The following ABCA12 variants were observed in gnomAD, a reference collection of about 807,000 sequenced individuals.
ABCA12 encodes the protein glucosylceramide transporter ABCA12.
In ABCA12, 156 loss-of-function variants were observed where a neutral mutation model predicts 293.5. The ratio of observed to expected loss-of-function variants is 0.53; its 90% CI spans 0.47 to 0.61. ABCA12 has a LOEUF of 0.61. ABCA12 is among the 20% of genes least tolerant of loss of function. The pLI is 0.00. For missense variants in ABCA12, 2,797 were observed against 3,090.2 expected, an observed-to-expected ratio of 0.91 and a Z score of 2.25; for synonymous variants, 1,063 against 1,108.0, an observed-to-expected ratio of 0.96 and a Z score of 0.81.
chr2:215,111,780 T>A, intron 1 of ABCA12, 90 bp from the exon 2 acceptor site: 4 of 899,660 alleles, frequency 4.4e-6, no homozygotes, highest in Non-Finnish European at 7.3e-6. Context: ...CATACTATAA[T>A]ATTTCAACAC....
In ABCA12 at chr2:214,986,665, G is replaced by GCAA. The variant is rs1177952328; in HGVS notation, c.4037_4039dup (p.Val1346dup). 1 of 1,614,108 alleles carries GCAA rather than the reference G, an allele frequency of 6.2e-7. No individual in the cohort carries two copies. The highest frequency in any genetic ancestry group is 2.2e-5 in the East Asian group (1 of 44,878). On this transcript the variant is annotated inframe_insertion, in exon 28 of 53. Coordinates refer to ENST00000272895, the MANE Select transcript of ABCA12 (RefSeq NM_173076.3). Reference sequence around the variant, plus strand: ...ATAGATCTTTGTGACCCCATGCAGGGCAACCCCGACTGTGAGATCTTTAGG... The same window carrying GCAA: ...ATAGATCTTTGTGACCCCATGCAGGGCAACAACCCCGACTGTGAGATCTTTAGG...
chr2:214,979,165 T>C, intron 31 of ABCA12, 125 bp from the exon 32 acceptor site: 1 of 860,158 alleles, frequency 1.2e-6, no homozygotes, highest in Non-Finnish European at 2.0e-6. Context: ...GATCATAACA[T>C]CACTGCTCTA....
rs28940271 is a variant in ABCA12 at position 214,980,608 on chromosome 2, C to T, written c.4615G>A (p.Glu1539Lys). ...TIILSTHHLD[E>K]AEVLSDRIAF... is the part of the protein sequence containing the mutation. ...ATGCGGTCACTCAGCACTTCAGCCTCGTCCAAGTGGTGCGTTGACAGAATG... is the reference window on the plus strand; with the variant it reads ...ATGCGGTCACTCAGCACTTCAGCCTTGTCCAAGTGGTGCGTTGACAGAATG... The change falls in exon 31 of 53, where the codon GAG becomes AAG. Residue 1539 changes from glutamate (E) to lysine (K), a missense_variant. Glu to Lys is a moderately conservative substitution (Grantham distance 56). Coordinates refer to ENST00000272895, the MANE Select transcript of ABCA12 (RefSeq NM_173076.3). The T allele has an allele frequency of 1.2e-6, 2 of 1,614,052 alleles. No individual in the cohort carries two copies. The highest frequency in any genetic ancestry group is 1.7e-6 in the Non-Finnish European group (2 of 1,179,988).
At chr2:214,949,290 G>A (rs1454282388) in intron 45 of ABCA12, 141 bp from the exon 46 acceptor site, 8 of 666,144 alleles carry the variant, frequency 1.2e-5, no homozygotes, top group Non-Finnish European at 2.1e-5. Flanking sequence ...ATAGTGTAAT[G>A]CTCTTGATAA....
intron 1 of ABCA12, among the ~76,000 whole-genome samples, chr2:215,118,560 G>A (rs1269507354): frequency 6.6e-6 from 1 of 152,058 alleles, no homozygotes; most frequent in South Asian, 2.1e-4. Context: ...GTTTTGGAGA[G>A]TTTTAAGGAA....
chr2:215,041,036 C>T (rs1204170113), intron 7 of ABCA12, among the ~76,000 whole-genome samples: 2 of 151,776 alleles, frequency 1.3e-5, no homozygotes, highest in Non-Finnish European at 2.9e-5. Flanking sequence ...ATATTAAATA[C>T]AAAAAATTTG....
chr2:214,967,055 C>T (rs1699278367), intron 38 of ABCA12, 102 bp from the exon 39 acceptor site: 1 of 917,148 alleles, frequency 1.1e-6, no homozygotes, highest in African/African-American at 1.7e-5. Context: ...ATAAGAGCAT[C>T]AATTTTCCAA....
rs369522596 is a variant in ABCA12, at chr2:215,138,095, C to A, written c.69+45G>T. The stretch of plus-strand genomic sequence containing the variant: ...AAGATCACATTTTAGGATTACCTGG[C>A]GTATTGCCCCATGACCCATACTCCC... On this transcript the variant is annotated intron_variant, in intron 1 of 52. Coordinates refer to ENST00000272895, the MANE Select transcript of ABCA12 (RefSeq NM_173076.3). 5.6e-5 allele frequency: 85 copies of A among 1,530,722 alleles called. 1 individual carries two copies. In the African/African-American group the frequency reaches 1.1e-3, roughly 19 times the overall value. The allele number at this position is 1,530,722 out of a possible 1,614,324, so 94.8% of individuals were successfully genotyped here.
chr2:215,016,579 T>C (rs1322361531), intron 14 of ABCA12, among the ~76,000 whole-genome samples: 15 of 5,012 alleles, frequency 3.0e-3, no homozygotes, highest in African/African-American at 6.6e-3. Context: ...CATGACTCTG[T>C]CTCAAAAAAA....
intron 4 of ABCA12, 138 bp from the exon 5 acceptor site, chr2:215,052,722 G>C (rs997992255): frequency 1.3e-6 from 1 of 760,268 alleles, no homozygotes. Context: ...CTCTTCCATG[G>C]AAGTTTTATA....
chr2:215,012,124 C>T lies in ABCA12; in HGVS notation c.1968G>A (p.Pro656=), dbSNP rs558313663. Residue 656 remains proline (P), a synonymous_variant, in exon 16 of 53, where the codon CCG becomes CCA. Transcript: ENST00000272895. ...TTTCTACTGGCTTTTGATCTTTCCT[C>T]GGGAAAAACACCTAACAGAAACAGA... ...IYNFTYKVFF[P]RKDQKPVEKM... 41 of 1,613,570 alleles carry T rather than the reference C, an allele frequency of 2.5e-5. No homozygotes were observed. Among genetic ancestry groups the T allele is most frequent in the African/African-American group, 9.3e-5 (7 of 74,980 alleles).
At chr2:215,030,609 A>C (rs1700855889) in intron 9 of ABCA12, among the ~76,000 whole-genome samples, 1 of 151,968 alleles carries the variant, frequency 6.6e-6, no homozygotes, top group Non-Finnish European at 1.5e-5. Context: ...ATCTCAAAAA[A>C]AAAAAAAAAA....
At chr2:215,042,056 T>C (rs1273476936) in intron 7 of ABCA12, among the ~76,000 whole-genome samples, 1 of 152,196 alleles carries the variant, frequency 6.6e-6, no homozygotes, top group Non-Finnish European at 1.5e-5. Context: ...TGAACAGGCA[T>C]GGAGTTTCAG....
intron 14 of ABCA12, among the ~76,000 whole-genome samples, chr2:215,016,577 T>C (rs1386818544): frequency 1.1e-4 from 1 of 9,350 alleles, no homozygotes; most frequent in African/African-American, 2.0e-4. Context: ...ACCATGACTC[T>C]GTCTCAAAAA....
In ABCA12 at chr2:214,932,379, G is replaced by A. The variant is rs1313988692; in HGVS notation, c.*255C>T. The A allele has an allele frequency of 2.2e-6, 1 of 451,280 alleles. No individual in the cohort carries two copies. Among genetic ancestry groups the A allele is most frequent in the African/African-American group, 2.0e-5 (1 of 50,308 alleles). 28.0% of individuals were successfully genotyped at this position (451,280 alleles called of 1,614,324 possible). ...TTGAGGTGGCTTCACCTTTGCATAA[G>A]AATCACCAGCATATACATTAGCATG... On this transcript the variant is annotated 3_prime_UTR_variant, in exon 53 of 53. Transcript: ENST00000272895.
chr2:215,133,567 T>C (rs957013408), intron 1 of ABCA12, among the ~76,000 whole-genome samples: 2 of 152,098 alleles, frequency 1.3e-5, no homozygotes, highest in East Asian at 1.9e-4. Flanking sequence ...AGCCTTCCTA[T>C]TGCTAACCAT....
chr2:215,071,033 A>G (rs1157833226), intron 2 of ABCA12, among the ~76,000 whole-genome samples: 2 of 151,626 alleles, frequency 1.3e-5, no homozygotes, highest in Non-Finnish European at 2.9e-5. Context: ...ATACACACTC[A>G]AGAAAACCCA....
chr2:215,039,324 T>C (rs1193160744), intron 7 of ABCA12, among the ~76,000 whole-genome samples: 1 of 152,256 alleles, frequency 6.6e-6, no homozygotes, highest in African/African-American at 2.4e-5. Flanking sequence ...AATGAGACCA[T>C]AATGTTGTGA....
chr2:215,094,117 C>A (rs952619310), intron 2 of ABCA12, among the ~76,000 whole-genome samples: 1 of 152,200 alleles, frequency 6.6e-6, no homozygotes, highest in Non-Finnish European at 1.5e-5. Flanking sequence ...GACTGCGTGT[C>A]AATATTTATA....
Sources: gnomAD v4.1 joint callset for allele counts (sites outside exome capture counted in the v4.1 genomes callset) on GRCh38, gnomAD v4.1.1 for gene constraint, MANE v1.5 for transcripts, NCBI Gene and HGNC (gene_info 2026-07-23, HGNC 2026-07-21) for gene names.